The following DENND2A variants were observed in gnomAD, a reference collection of about 807,000 sequenced individuals.
DENND2A encodes the protein DENN domain containing 2A.
A neutral mutation model predicts 105.3 loss-of-function variants in DENND2A; 53 were observed. The ratio of observed to expected loss-of-function variants is 0.50; its 90% confidence interval spans 0.40 to 0.63. The LOEUF is 0.63. Ranked by LOEUF, DENND2A falls within the 30% of genes least tolerant of loss-of-function variation. The pLI, the probability that DENND2A is intolerant of heterozygous loss-of-function variation, is 0.00. For synonymous variants in DENND2A, 522 were observed against 508.4 expected, an observed-to-expected ratio of 1.03 and a Z score of -0.36; for missense variants, 1,138 against 1,279.6, an observed-to-expected ratio of 0.89 and a Z score of 1.69.
intron 14 of DENND2A, among the ~76,000 whole-genome samples, chr7:140,536,047 A>G (rs992589636): frequency 6.6e-6 from 1 of 152,118 alleles, no homozygotes; most frequent in African/African-American, 2.4e-5. Context: ...TGATGGTGAC[A>G]CTCACTAAGA....
intron 1 of DENND2A, among the ~76,000 whole-genome samples, chr7:140,622,127 G>C (rs939352150): frequency 6.6e-5 from 10 of 152,190 alleles, no homozygotes; most frequent in Non-Finnish European, 1.5e-4. Context: ...GCCGGGCGTG[G>C]TGGCTCATGC....
chr7:140,580,881 C>T (rs1798514396), intron 5 of DENND2A, among the ~76,000 whole-genome samples: 6 of 150,232 alleles, frequency 4.0e-5, no homozygotes, highest in Admixed American at 4.0e-4. Flanking sequence ...AGGTGATCTG[C>T]CCACCTTGGC....
chr7:140,635,707 T>C (rs1204403468), intron 1 of DENND2A, among the ~76,000 whole-genome samples: 1 of 152,192 alleles, frequency 6.6e-6, no homozygotes, highest in Non-Finnish European at 1.5e-5. Context: ...TTCAGCCAGT[T>C]GGAAGAGTGG....
At chr7:140,561,390 A>G (rs2130575998) in intron 9 of DENND2A, among the ~76,000 whole-genome samples, 1 of 152,144 alleles carries the variant, frequency 6.6e-6, no homozygotes, top group South Asian at 2.1e-4. Flanking sequence ...TGCTAAGGTT[A>G]TCTTCAGTGA....
chr7:140,576,640 T>C (rs1175003647), intron 5 of DENND2A, among the ~76,000 whole-genome samples: 2 of 152,252 alleles, frequency 1.3e-5, no homozygotes, highest in Non-Finnish European at 2.9e-5. Context: ...GAATCTTTTC[T>C]TTTTAAAAAG....
chr7:140,615,059 G>A (rs2130710106), intron 1 of DENND2A, among the ~76,000 whole-genome samples: 1 of 152,182 alleles, frequency 6.6e-6, no homozygotes, highest in East Asian at 1.9e-4. Context: ...TCGGGACAGT[G>A]TTTCACCATG....
Position 140,544,766 on chromosome 7 carries a change from C to T in DENND2A, c.2179G>A (p.Val727Met), listed in dbSNP as rs1344823092. Residue 727 changes from valine to methionine, a missense_variant and splice_region_variant, in exon 14 of 20, where the codon GTG (valine) becomes ATG (methionine). Val to Met is a conservative substitution (Grantham distance 21, BLOSUM62 1). This residue lies in a region of DENND2A where 627 missense variants were observed against 779.8 expected (regional missense o/e 0.80). Transcript: ENST00000496613. ...TCCAGCGGGCGGCACAGTTCGATCA[C>T]CTGCCAGGGAACAGGAGCAGCCATG... The part of the protein sequence containing the change: ...KNFLPGSGTE[V>M]IELCRPLDSR... The T allele has an allele frequency of 6.4e-7, 1 of 1,570,656 alleles. No homozygotes were observed. The highest frequency in any genetic ancestry group is 1.9e-5 in the Admixed American group (1 of 52,350).
At chr7:140,563,141 C>CAA (rs1476123644) in intron 9 of DENND2A, among the ~76,000 whole-genome samples, 2,068 of 152,308 alleles carry the variant, frequency 0.014, 45 homozygotes, top group African/African-American at 0.047. Flanking sequence ...ATGAGTTTCT[C>CAA]CACAAAGGAA....
At chr7:140,554,427 GTCAGTTTGAGA>G in intron 12 of DENND2A, among the ~76,000 whole-genome samples, 1 of 151,882 alleles carries the variant, frequency 6.6e-6, no homozygotes, top group Admixed American at 6.6e-5. Flanking sequence ...ATCACTTGAG[GTCAGTTTGAGA>G]CCAGCCTGGG....
chr7:140,539,604 C>T (rs1796578385), intron 14 of DENND2A, among the ~76,000 whole-genome samples: 1 of 152,218 alleles, frequency 6.6e-6, no homozygotes, highest in Non-Finnish European at 1.5e-5. Context: ...CTCTCCCACT[C>T]CCTGCTTCTT....
At chr7:140,553,060 CACAGAG>C (rs1258715919) in intron 12 of DENND2A, among the ~76,000 whole-genome samples, 1 of 151,972 alleles carries the variant, frequency 6.6e-6, no homozygotes, top group African/African-American at 2.4e-5. Context: ...AAGAAAAAGA[CACAGAG>C]ACAAAGTATA....
intron 3 of DENND2A, among the ~76,000 whole-genome samples, chr7:140,593,424 C>T (rs556266669): frequency 2.6e-5 from 4 of 152,318 alleles, no homozygotes; most frequent in South Asian, 2.1e-4. Context: ...TGCTGAAGGG[C>T]GTTATAACCT....
chr7:140,518,576 G>T lies in DENND2A; in HGVS notation c.*131C>A. 1 of 920,906 alleles carries T rather than the reference G, an allele frequency of 1.1e-6. No individual in the cohort carries two copies. 57.0% of individuals were successfully genotyped at this position (920,906 alleles called of 1,614,324 possible). On this transcript the variant is annotated 3_prime_UTR_variant, in exon 20 of 20. Coordinates refer to ENST00000496613, the MANE Select transcript of DENND2A (RefSeq NM_015689.5). ...CTCATCCAGGGAAGAGCCCAGCCTC[G>T]GCCAGAAGCCACCGCGGCCTCCAGT...
At chr7:140,569,615 C>T (rs773104777) in intron 7 of DENND2A, 30 bp downstream of exon 7, 22 of 1,451,858 alleles carry the variant, frequency 1.5e-5, no homozygotes, top group African/African-American at 7.0e-5. Context: ...CCGATTCTTG[C>T]GGGAGGAGGG....
In DENND2A at chr7:140,601,401, A is replaced by G; in HGVS notation, c.995+2T>C. 6.3e-7 allele frequency: 1 copy of G among 1,581,880 alleles called. No homozygotes were observed. Among genetic ancestry groups the G allele is most frequent in the Non-Finnish European group, 8.6e-7 (1 of 1,164,270 alleles). ...ACTCTGCCTGGCCACACCGGCACCTACCTGTGGTCTGCACTGGATTTCTGT... is the reference window on the plus strand; with the variant it reads ...ACTCTGCCTGGCCACACCGGCACCTGCCTGTGGTCTGCACTGGATTTCTGT... On this transcript the variant is annotated splice_donor_variant, in intron 3 of 19. Transcript: ENST00000496613. LOFTEE classifies it high-confidence loss of function.
intron 3 of DENND2A, among the ~76,000 whole-genome samples, chr7:140,589,556 G>A (rs997467333): frequency 6.6e-6 from 1 of 152,188 alleles, no homozygotes; most frequent in Non-Finnish European, 1.5e-5. Flanking sequence ...ATTACAGCAC[G>A]ACCCTGGCTG....
intron 1 of DENND2A, among the ~76,000 whole-genome samples, chr7:140,623,686 C>CCA (rs1454383334): frequency 6.7e-6 from 1 of 150,324 alleles, no homozygotes; most frequent in Non-Finnish European, 1.5e-5. Flanking sequence ...CGAGATCATG[C>CCA]CACAGCCTGG....
chr7:140,566,627 G>A (rs964294017), intron 9 of DENND2A, among the ~76,000 whole-genome samples: 1 of 151,936 alleles, frequency 6.6e-6, no homozygotes, highest in African/African-American at 2.4e-5. Flanking sequence ...AGGGCAAAGA[G>A]GATGGCACGG....
chr7:140,533,009 T>C lies in DENND2A; in HGVS notation c.2328-5514A>G, dbSNP rs1486250115. On this transcript the variant is annotated intron_variant, in intron 14 of 19. Transcript: ENST00000496613. ...CTACCTGCTTTTTTTTTTTTTTTTT[T>C]TGAGACAGTGTCTCACTCTGTTGCC... is the stretch of plus-strand genomic sequence containing the variant. Among the ~76,000 whole-genome samples the C allele has an allele frequency of 2.7e-5, 4 of 150,568 alleles. No homozygotes were observed. In the South Asian group the frequency reaches 6.4e-4, roughly 24 times the overall value.
Sources: gnomAD v4.1 joint callset for allele counts (sites outside exome capture counted in the v4.1 genomes callset) on GRCh38, gnomAD v4.1.1 for gene constraint, gnomAD v4.1.1 regional missense constraint, MANE v1.5 for transcripts, NCBI Gene and HGNC (gene_info 2026-07-23, HGNC 2026-07-21) for gene names.